ZZEF1: variants seen among roughly 807,000 people sequenced by gnomAD.
The protein encoded by ZZEF1 is zinc finger ZZ-type and EF-hand domain containing 1.
ZZEF1 carries 157 observed loss-of-function variants against 342.8 expected under a neutral mutation model. The observed-to-expected ratio is 0.46, with a 90% confidence interval of 0.40 to 0.52. The LOEUF (loss-of-function observed/expected upper bound fraction) is 0.52, where lower values mean the gene tolerates loss of function less well. Ranked by LOEUF, ZZEF1 falls within the 20% of genes least tolerant of loss-of-function variation. The pLI is 0.00. For missense variants in ZZEF1, 3,480 were observed against 3,725.6 expected (o/e 0.93, Z 1.72); for synonymous variants, 1,505 against 1,429.1 (o/e 1.05, Z -1.20).
In ZZEF1 at chr17:4,016,661, C is replaced by T. The variant is rs1421874753; in HGVS notation, c.8002-195G>A. On this transcript the variant is annotated intron_variant, in intron 48 of 54. Coordinates refer to ENST00000381638, the MANE Select transcript of ZZEF1 (RefSeq NM_015113.4). The surrounding 1 kb of genome is among the most constrained non-coding windows in gnomAD (Gnocchi z 4.4). ...ACCAGGCTCTTGGTGTCAATCAGGA[C>T]ACTGCAGTCCTTTCAGAATGATGCT... is the stretch of plus-strand genomic sequence containing the variant. 3 of 569,902 alleles carry T rather than the reference C, an allele frequency of 5.3e-6. No individual in the cohort carries two copies. Among genetic ancestry groups the T allele is most frequent in the Non-Finnish European group, 9.2e-6 (3 of 326,368 alleles). 35.3% of individuals were successfully genotyped at this position (569,902 alleles called of 1,614,324 possible).
chr17:4,047,208 G>C (rs190231571), intron 37 of ZZEF1, among the ~76,000 whole-genome samples: 2 of 152,266 alleles, frequency 1.3e-5, no homozygotes, highest in African/African-American at 2.4e-5. Flanking sequence ...CCTGAAGCAG[G>C]GAAGGCCTAA....
In ZZEF1 at chr17:4,013,444, C is replaced by A. The variant is rs1597753265; in HGVS notation, c.8579+5G>T. The A allele has an allele frequency of 6.2e-7, 1 of 1,604,264 alleles. No homozygotes were observed. The highest frequency in any genetic ancestry group is 2.3e-5 in the East Asian group (1 of 44,422). On this transcript the variant is annotated splice_donor_5th_base_variant and intron_variant, in intron 52 of 54. Coordinates refer to ENST00000381638, the MANE Select transcript of ZZEF1 (RefSeq NM_015113.4). Reference sequence around the variant, plus strand: ...CAAAGGGCTGCCATCCGGGACACCGCTTACCTGTGGCCGCAGCATCGCACA... The same window carrying A: ...CAAAGGGCTGCCATCCGGGACACCGATTACCTGTGGCCGCAGCATCGCACA...
At position 4,005,261 on chromosome 17, in the gene ZZEF1, G is replaced by A. The variant is rs1320678549; in HGVS notation, c.*1629C>T. 1 of 152,620 alleles carries A rather than the reference G, an allele frequency of 6.6e-6. No homozygotes were observed. Among genetic ancestry groups the A allele is most frequent in the African/African-American group, 2.4e-5 (1 of 41,462 alleles). The allele number at this position is 152,620 out of a possible 1,614,324, so 9.5% of individuals were successfully genotyped here. The stretch of plus-strand genomic sequence containing the variant: ...GTGGTGCAGGCAGCTCCCAAAGCAA[G>A]GTAGGTTTGGCAAAGAGCAAAAGAT... On this transcript the variant is annotated 3_prime_UTR_variant, in exon 55 of 55. Coordinates refer to ENST00000381638, the MANE Select transcript of ZZEF1 (RefSeq NM_015113.4).
chr17:4,096,168 T>C (rs1007163962), intron 10 of ZZEF1, among the ~76,000 whole-genome samples, 189 bp from the exon 11 acceptor site: 2 of 152,206 alleles, frequency 1.3e-5, no homozygotes, highest in Non-Finnish European at 2.9e-5. Flanking sequence ...TCTCAATCCT[T>C]ATATTCTCAC....
Position 4,085,790 on chromosome 17 carries a change from C to G in ZZEF1, c.2526G>C (p.Val842=). The part of the protein sequence containing the change: ...YTHLCDVVDK[V]DGDSVPMEIL... ...TCTCCATGGGCACAGAGTCTCCATC[C>G]ACCTTGTCCACCACTGATAAAATGA... Residue 842 remains valine, a synonymous_variant, in exon 16 of 55, where the codon GTG becomes GTC. Coordinates refer to ENST00000381638, the MANE Select transcript of ZZEF1 (RefSeq NM_015113.4). The G allele has an allele frequency of 6.2e-7, 1 of 1,614,082 alleles. No homozygotes were observed. Among genetic ancestry groups the G allele is most frequent in the Non-Finnish European group, 8.5e-7 (1 of 1,179,976 alleles).
At chr17:4,062,089 G>A (rs184115514) in intron 30 of ZZEF1, among the ~76,000 whole-genome samples, 5 of 151,952 alleles carry the variant, frequency 3.3e-5, no homozygotes, top group East Asian at 1.9e-4. Context: ...ACTGGTTTTC[G>A]CTCTGTTCCT....
chr17:4,024,186 G>GTTTTTTTTTTTTTTTTT lies in ZZEF1; in HGVS notation c.7092+716_7092+732dup, dbSNP rs754985234. Among the ~76,000 whole-genome samples, 8 of 94,428 alleles carry GTTTTTTTTTTTTTTTTT rather than the reference G, an allele frequency of 8.5e-5. 1 individual carries two copies. The highest frequency in any genetic ancestry group is 2.4e-4 in the African/African-American group (6 of 24,778). The allele number at this position is 94,428 out of a possible 152,430, so 61.9% of individuals were successfully genotyped here. ...CATCTCCATGCCAAATATTGCCCAGGTTTTTTTTTTTTTTTTTTTTTTTTT... is the reference window on the plus strand; with the variant it reads ...CATCTCCATGCCAAATATTGCCCAGGTTTTTTTTTTTTTTTTTTTTTTTTTTTTTTTTTTTTTTTTTT... On this transcript the variant is annotated intron_variant, in intron 43 of 54. Coordinates refer to ENST00000381638, the MANE Select transcript of ZZEF1 (RefSeq NM_015113.4).
chr17:4,066,265 C>T (rs1008556401), intron 28 of ZZEF1, among the ~76,000 whole-genome samples, 182 bp downstream of exon 28: 2 of 152,352 alleles, frequency 1.3e-5, no homozygotes, highest in South Asian at 2.1e-4. Flanking sequence ...TAAAACATTA[C>T]TCCTCTTTGG....
intron 29 of ZZEF1, 23 bp from the exon 30 acceptor site, chr17:4,062,940 G>A: frequency 1.3e-6 from 2 of 1,588,820 alleles, no homozygotes; most frequent in Non-Finnish European, 1.7e-6. Context: ...TGCAAGTCAG[G>A]AACACCCAGA....
intron 2 of ZZEF1, among the ~76,000 whole-genome samples, chr17:4,119,327 C>A (rs892043841): frequency 1.3e-5 from 2 of 152,240 alleles, no homozygotes; most frequent in African/African-American, 4.8e-5. Context: ...ACCTTTGCAT[C>A]TTTCAAGTTC....
intron 32 of ZZEF1, 137 bp from the exon 33 acceptor site, chr17:4,056,482 T>C: frequency 1.1e-6 from 1 of 877,710 alleles, no homozygotes. Context: ...CAACTGCTTT[T>C]CAAAGCCCCA....
Position 4,142,688 on chromosome 17 carries a change from C to A in ZZEF1, c.208G>T (p.Glu70Ter), listed in dbSNP as rs769751993. Residue 70 changes from glutamate to a stop codon, truncating the protein, a stop_gained, in exon 1 of 55, where the codon GAG becomes TAG. Coordinates refer to ENST00000381638, the MANE Select transcript of ZZEF1 (RefSeq NM_015113.4). LOFTEE classifies it high-confidence loss of function. The stretch of plus-strand genomic sequence containing the variant: ...CCGCGATGCCTCGACACCAGCGACT[C>A]GCAGGGGGGTGTGGGCAGCAACGCT... ...AAALLPTPPC[E>*]SLVSRHRGAL... 6.2e-7 allele frequency: 1 copy of A among 1,606,118 alleles called. No individual in the cohort carries two copies.
intron 26 of ZZEF1, among the ~76,000 whole-genome samples, chr17:4,069,568 C>T (rs775451447): frequency 6.6e-6 from 1 of 152,182 alleles, no homozygotes; most frequent in Non-Finnish European, 1.5e-5. Flanking sequence ...GCGGTACTCA[C>T]GTCTGTAATC....
intron 2 of ZZEF1, among the ~76,000 whole-genome samples, chr17:4,120,835 A>C (rs2058471233): frequency 6.6e-6 from 1 of 152,214 alleles, no homozygotes; most frequent in South Asian, 2.1e-4. Context: ...CATATGCTGA[A>C]ACATTTGGTA....
At chr17:4,087,340 T>TAAA in intron 14 of ZZEF1, 94 bp downstream of exon 14, 1 of 868,150 alleles carries the variant, frequency 1.2e-6, no homozygotes, top group Non-Finnish European at 1.7e-6. Flanking sequence ...TGGTAGGAAG[T>TAAA]AAAAAAAAAA....
rs149173333 is a variant in ZZEF1, at chr17:4,057,685, C to T, written c.5165+309G>A. On this transcript the variant is annotated intron_variant, in intron 32 of 54. Transcript: ENST00000381638. ...TTCTCGGCCTCAGAGCTCACGAGTTCACCACCACCAATGTACATAGCTCTA... is the reference window on the plus strand; with the variant it reads ...TTCTCGGCCTCAGAGCTCACGAGTTTACCACCACCAATGTACATAGCTCTA... Among the ~76,000 whole-genome samples, 868 of 152,282 alleles carry T rather than the reference C, an allele frequency of 5.7e-3. 9 individuals are homozygous for T. The highest frequency in any genetic ancestry group is 0.02 in the African/African-American group (833 of 41,540).
In ZZEF1 at chr17:4,006,761, C is replaced by T. The variant is rs2055809415; in HGVS notation, c.*129G>A. 1.0e-6 allele frequency: 1 copy of T among 965,890 alleles called. No homozygotes were observed. The highest frequency in any genetic ancestry group is 2.0e-5 in the Admixed American group (1 of 49,852). 59.8% of individuals were successfully genotyped at this position (965,890 alleles called of 1,614,324 possible). On this transcript the variant is annotated 3_prime_UTR_variant, in exon 55 of 55. Transcript: ENST00000381638. ...TCTTGGAGACGTGGCTGCTTGGCAT[C>T]CTAACTGGAGTGGTCAGCTCAAGGA...
intron 1 of ZZEF1, among the ~76,000 whole-genome samples, chr17:4,126,697 A>G (rs7222515): frequency 0.15 from 23,581 of 152,136 alleles, 2,010 homozygotes; most frequent in African/African-American, 0.22. Context: ...GCTCATGTCT[A>G]TAATTCCAGC....
At chr17:4,010,194 C>A (rs2055909157) in intron 52 of ZZEF1, among the ~76,000 whole-genome samples, 1 of 147,128 alleles carries the variant, frequency 6.8e-6, no homozygotes, top group African/African-American at 2.6e-5. Flanking sequence ...AACAAAACCC[C>A]AAAAAACAAA....
Sources: gnomAD v4.1 joint callset for allele counts (sites outside exome capture counted in the v4.1 genomes callset) on GRCh38, gnomAD v4.1.1 for gene constraint, Gnocchi (gnomAD v3.1) non-coding constraint, MANE v1.5 for transcripts, NCBI Gene and HGNC (gene_info 2026-07-23, HGNC 2026-07-21) for gene names.